The following EVL variants were observed in gnomAD, a reference collection of about 807,000 sequenced individuals.
EVL encodes Enah/Vasp-like, also known as ena/VASP-like protein.
Under a neutral mutation model 59.6 loss-of-function variants are expected in EVL, and 21 were observed. The observed-to-expected ratio is 0.35, with a 90% CI of 0.25 to 0.51. The LOEUF (loss-of-function observed/expected upper bound fraction) is 0.51. Ranked by LOEUF, EVL falls within the 20% of genes least tolerant of loss-of-function variation. EVL has a pLI of 0.97. For synonymous variants in EVL, 198 were observed against 203.5 expected, an observed-to-expected ratio of 0.97 and a Z score of 0.23; for missense variants, 462 against 546.6, an observed-to-expected ratio of 0.85 and a Z score of 1.54.
chr14:100,123,678 G>A (rs1340045167), intron 4 of EVL, 76 bp downstream of exon 4: 7 of 1,492,634 alleles, frequency 4.7e-6, no homozygotes, highest in Non-Finnish European at 5.6e-6. Flanking sequence ...TTCAGCGGGT[G>A]AGGATGCACC....
rs1433279774 is a variant in EVL, at chr14:100,128,721, T to C, written c.690T>C (p.Ala230=). 1 of 1,606,582 alleles carries C rather than the reference T, an allele frequency of 6.2e-7. No individual in the cohort carries two copies. Among genetic ancestry groups the C allele is most frequent in the South Asian group, 1.1e-5 (1 of 90,890 alleles). ...SSMSGLAAAI[A]GAKLRRVQRP... is the part of the protein sequence containing the mutation. Reference sequence around the variant, plus strand: ...TGTCAGGACTGGCCGCTGCCATAGCTGGGGCCAAGCTGAGAAGAGTCCAAC... The same window carrying C: ...TGTCAGGACTGGCCGCTGCCATAGCCGGGGCCAAGCTGAGAAGAGTCCAAC... Residue 230 remains alanine, a synonymous_variant, in exon 6 of 14, where the codon GCT becomes GCC. Coordinates refer to ENST00000392920, the MANE Select transcript of EVL (RefSeq NM_016337.3).
chr14:100,030,885 G>A (rs181386393), intron 1 of EVL, among the ~76,000 whole-genome samples: 21 of 152,262 alleles, frequency 1.4e-4, no homozygotes, highest in Non-Finnish European at 2.9e-4. Flanking sequence ...ATTGTTGTAC[G>A]TTTCTCCGTG....
chr14:100,024,848 T>C (rs1057004324), intron 1 of EVL, among the ~76,000 whole-genome samples: 3 of 152,114 alleles, frequency 2.0e-5, no homozygotes, highest in Admixed American at 2.0e-4. Flanking sequence ...TCTTCAGTCT[T>C]CCGCAGCCCA....
At chr14:100,083,340 A>G (rs961927009) in intron 1 of EVL, among the ~76,000 whole-genome samples, 10 of 151,948 alleles carry the variant, frequency 6.6e-5, no homozygotes, top group African/African-American at 2.2e-4. Context: ...ATTTGACCCA[A>G]CGTCTGTCTG....
intron 1 of EVL, among the ~76,000 whole-genome samples, chr14:100,024,936 G>A (rs770561878): frequency 2.6e-5 from 4 of 151,668 alleles, no homozygotes; most frequent in Admixed American, 6.6e-5. Flanking sequence ...TCCACATCTC[G>A]TCTCTCATCC....
intron 1 of EVL, among the ~76,000 whole-genome samples, chr14:100,010,235 A>G (rs559313516): frequency 2.0e-5 from 3 of 152,350 alleles, no homozygotes; most frequent in Admixed American, 6.5e-5. Flanking sequence ...GTTATGCCAG[A>G]GTCACTCAGA....
At chr14:100,040,078 C>T (rs941174018) in intron 1 of EVL, among the ~76,000 whole-genome samples, 9 of 152,096 alleles carry the variant, frequency 5.9e-5, no homozygotes, top group Non-Finnish European at 1.3e-4. Flanking sequence ...CTGTGCCCAG[C>T]CCCCATGAGC....
chr14:100,107,101 G>A (rs778750048), intron 3 of EVL: 136 of 398,612 alleles, frequency 3.4e-4, no homozygotes, highest in Non-Finnish European at 2.4e-4. Flanking sequence ...GAAGATGCCC[G>A]GTGCCTGGTA....
chr14:99,977,098 G>GGTAT (rs2140167457), intron 1 of EVL: 1 of 152,294 alleles, frequency 6.6e-6, no homozygotes, highest in East Asian at 1.9e-4. Flanking sequence ...ACCAGGTTAT[G>GGTAT]GAAGCTGTAG....
At chr14:100,110,241 G>A (rs924078246) in intron 3 of EVL, among the ~76,000 whole-genome samples, 2 of 152,140 alleles carry the variant, frequency 1.3e-5, no homozygotes, top group African/African-American at 4.8e-5. Context: ...AAGTGTGATG[G>A]CGTGTGCCTG....
intron 1 of EVL, among the ~76,000 whole-genome samples, chr14:100,072,604 T>C (rs1033751554): frequency 4.6e-5 from 7 of 152,206 alleles, no homozygotes; most frequent in Admixed American, 3.9e-4. Flanking sequence ...TATATTAGAA[T>C]ATCCTTATAT....
intron 1 of EVL, among the ~76,000 whole-genome samples, chr14:100,043,787 ATT>A (rs1319798359): frequency 6.6e-6 from 1 of 151,158 alleles, no homozygotes; most frequent in Admixed American, 6.6e-5. Context: ...TAATTTTTAA[ATT>A]TTTTTGTAAA....
chr14:99,989,097 A>G (rs901911798), intron 1 of EVL, among the ~76,000 whole-genome samples: 9 of 152,218 alleles, frequency 5.9e-5, no homozygotes, highest in Non-Finnish European at 1.5e-5. Flanking sequence ...TCTGTTCCTC[A>G]GTAAATCTGT....
rs540892716 is a variant in EVL at position 100,132,928 on chromosome 14, G to A, written c.900+149G>A. On this transcript the variant is annotated intron_variant, in intron 8 of 13. Coordinates refer to ENST00000392920, the MANE Select transcript of EVL (RefSeq NM_016337.3). ...CACAGGAGGGGCGGAGGGTCTCTGC[G>A]GTGCTTGTCCCTGCGCCACCCTGGC... 2.9e-5 allele frequency: 25 copies of A among 864,824 alleles called. 1 individual carries two copies. The highest frequency in any genetic ancestry group is 6.8e-4 in the Middle Eastern group (2 of 2,940). 53.6% of individuals were successfully genotyped at this position (864,824 alleles called of 1,614,324 possible).
intron 1 of EVL, among the ~76,000 whole-genome samples, chr14:100,028,139 T>TTTTG (rs1555414003): frequency 4.7e-5 from 7 of 147,908 alleles, no homozygotes; most frequent in Non-Finnish European, 8.9e-5. Flanking sequence ...TGTTTGTTTT[T>TTTTG]TTTTTTTTTT....
chr14:99,991,960 C>CTGTGTGTGTGTGTGTGTGTGTG (rs58443751), intron 1 of EVL, among the ~76,000 whole-genome samples: 122 of 144,342 alleles, frequency 8.5e-4, no homozygotes, highest in Middle Eastern at 7.0e-3. Context: ...AGGGTCAACT[C>CTGTGTGTGTGTGTGTGTGTGTG]TGTGTGTGTG....
At chr14:100,125,190 ACAC>A (rs1174369876) in intron 4 of EVL, among the ~76,000 whole-genome samples, 4 of 149,338 alleles carry the variant, frequency 2.7e-5, no homozygotes, top group African/African-American at 1.0e-4. Flanking sequence ...ACACACACAC[ACAC>A]ACCTGCCCCA....
At chr14:100,026,861 A>G (rs1337724995) in intron 1 of EVL, among the ~76,000 whole-genome samples, 1 of 152,200 alleles carries the variant, frequency 6.6e-6, no homozygotes, top group Non-Finnish European at 1.5e-5. Context: ...TGTGGGAGCT[A>G]TGATCCCTCT....
At chr14:100,084,630 A>G (rs540535162) in intron 1 of EVL, 57 bp from the exon 2 acceptor site, 5 of 1,573,026 alleles carry the variant, frequency 3.2e-6, no homozygotes, top group Admixed American at 3.6e-5. Context: ...GAAAAGGGCA[A>G]AGTCAACTTC....
Sources: gnomAD v4.1 joint callset for allele counts (sites outside exome capture counted in the v4.1 genomes callset) on GRCh38, gnomAD v4.1.1 for gene constraint, MANE v1.5 for transcripts, NCBI Gene and HGNC (gene_info 2026-07-23, HGNC 2026-07-21) for gene names.